Variants in USH2A observed in about 807,000 individuals in gnomAD.
USH2A encodes Usher syndrome 2A (autosomal recessive, mild).
In USH2A, 443 loss-of-function variants were observed where a neutral mutation model predicts 538.9. The ratio of observed to expected loss-of-function variants is 0.82; its 90% CI spans 0.76 to 0.89. The LOEUF (loss-of-function observed/expected upper bound fraction) is 0.89. USH2A is among the 40% of genes least tolerant of loss of function. The pLI, the probability that USH2A is intolerant of heterozygous loss-of-function variation, is 0.00. For missense variants in USH2A, 6,633 were observed against 6,324.8 expected (o/e 1.05, Z -1.65); for synonymous variants, 2,413 against 2,273.5 (o/e 1.06, Z -1.75).
intron 37 of USH2A, among the ~76,000 whole-genome samples, chr1:215,953,293 T>TCA (rs917999113): frequency 1.2e-4 from 18 of 152,276 alleles, no homozygotes; most frequent in African/African-American, 4.3e-4. Flanking sequence ...GCTGGAGGCA[T>TCA]CACGCTACCT....
intron 21 of USH2A, among the ~76,000 whole-genome samples, chr1:216,105,564 C>T (rs1036110385): frequency 2.0e-5 from 3 of 151,898 alleles, no homozygotes; most frequent in African/African-American, 7.2e-5. Context: ...CTCAGTTTGC[C>T]ATTTTTTTAA....
chr1:216,303,852 G>T (rs1298388409), intron 9 of USH2A, among the ~76,000 whole-genome samples: 50 of 151,908 alleles, frequency 3.3e-4, no homozygotes, highest in Non-Finnish European at 5.9e-5. Context: ...CACATAGAAG[G>T]CATTTATAAA....
intron 3 of USH2A, among the ~76,000 whole-genome samples, chr1:216,415,687 AT>A (rs1033077272): frequency 2.5e-4 from 38 of 151,576 alleles, no homozygotes; most frequent in African/African-American, 9.0e-4. Flanking sequence ...CACCTGGCTA[AT>A]TTTTTTAGGG....
intron 32 of USH2A, among the ~76,000 whole-genome samples, chr1:216,008,412 C>A (rs1211166578): frequency 6.6e-6 from 1 of 151,980 alleles, no homozygotes. Flanking sequence ...TTTACCTACC[C>A]AAATCCTATA....
chr1:215,856,628 A>T (rs1168192121), intron 44 of USH2A, among the ~76,000 whole-genome samples: 1 of 152,230 alleles, frequency 6.6e-6, no homozygotes. Flanking sequence ...CACTATGAAA[A>T]ATAGTGTGGA....
chr1:216,366,997 C>G (rs969776362), intron 3 of USH2A, among the ~76,000 whole-genome samples: 5 of 152,020 alleles, frequency 3.3e-5, no homozygotes, highest in Admixed American at 1.3e-4. Context: ...GCACAACATG[C>G]AGGCACATGA....
At chr1:216,338,962 G>A (rs1191704943) in intron 4 of USH2A, among the ~76,000 whole-genome samples, 2 of 151,534 alleles carry the variant, frequency 1.3e-5, no homozygotes, top group Non-Finnish European at 3.0e-5. Flanking sequence ...ACAGTTTGGC[G>A]ATATATCAAA....
In USH2A at chr1:216,200,250, A is replaced by G. The variant is rs955831255; in HGVS notation, c.3317-129T>C. 9.0e-6 allele frequency: 9 copies of G among 996,242 alleles called. No homozygotes were observed. The South Asian group carries it at 1.5e-4, about 17-fold the overall frequency. 61.7% of individuals were successfully genotyped at this position (996,242 alleles called of 1,614,324 possible). A position where few individuals can be genotyped will look rare whatever the true frequency, so the allele number is the denominator to read the frequency against. On this transcript the variant is annotated intron_variant, in intron 16 of 71. Transcript: ENST00000307340. ...CCAATCTACTCTTTTGATTAAGGATACATTTCATATTTTTAAAATTGAAAT... is the reference window on the plus strand; with the variant it reads ...CCAATCTACTCTTTTGATTAAGGATGCATTTCATATTTTTAAAATTGAAAT...
At chr1:216,070,826 T>C (rs2031535333) in intron 29 of USH2A, among the ~76,000 whole-genome samples, 1 of 145,334 alleles carries the variant, frequency 6.9e-6, no homozygotes, top group African/African-American at 2.6e-5. Context: ...AGATATGATA[T>C]ATGGAATATA....
At chr1:215,867,638 G>C (rs1338697072) in intron 43 of USH2A, among the ~76,000 whole-genome samples, 1 of 152,168 alleles carries the variant, frequency 6.6e-6, no homozygotes, top group African/African-American at 2.4e-5. Flanking sequence ...CGATACCTAT[G>C]CTTCTTTCCC....
At chr1:216,199,529 A>G in intron 17 of USH2A, 98 bp downstream of exon 17, 1 of 1,554,996 alleles carries the variant, frequency 6.4e-7, no homozygotes, top group South Asian at 1.1e-5. Context: ...GTGCAGTTAT[A>G]AAAAGGAATA....
chr1:216,419,792 GT>G (rs1203649012), intron 2 of USH2A, among the ~76,000 whole-genome samples: 5 of 152,066 alleles, frequency 3.3e-5, no homozygotes, highest in African/African-American at 9.7e-5. Context: ...GCTAAAGATG[GT>G]TTAAAGCTTT....
intron 4 of USH2A, among the ~76,000 whole-genome samples, chr1:216,349,713 C>A (rs1449076042): frequency 6.6e-6 from 1 of 152,130 alleles, no homozygotes; most frequent in East Asian, 1.9e-4. Context: ...AACTAACAAA[C>A]AACCCACCCC....
At chr1:216,346,384 CCTCT>C (rs1419964289) in intron 4 of USH2A, among the ~76,000 whole-genome samples, 2 of 152,150 alleles carry the variant, frequency 1.3e-5, no homozygotes, top group South Asian at 4.1e-4. Flanking sequence ...TGGATAGATC[CCTCT>C]CAAAATCTAA....
At chr1:216,072,059 A>G (rs547490602) in intron 29 of USH2A, among the ~76,000 whole-genome samples, 1 of 152,220 alleles carries the variant, frequency 6.6e-6, no homozygotes, top group Admixed American at 6.5e-5. Flanking sequence ...TTGATTAAGT[A>G]TAAGAGAATA....
chr1:216,365,009 C>G lies in USH2A; in HGVS notation c.728G>C (p.Ser243Thr). The G allele has an allele frequency of 6.2e-7, 1 of 1,613,712 alleles. No individual in the cohort carries two copies. Among genetic ancestry groups the G allele is most frequent in the African/African-American group, 1.3e-5 (1 of 75,030 alleles). The change falls in exon 4 of 72, where the codon AGT becomes ACT. Residue 243 changes from serine (S) to threonine (T), a missense_variant. By Grantham distance (58) the Ser-to-Thr change is moderately conservative. Coordinates refer to ENST00000307340, the MANE Select transcript of USH2A (RefSeq NM_206933.4). The part of the protein sequence containing the change: ...DHTPFNARTL[S>T]GSITDFASGT... ...AGATGCAAAATCTGTAATTGAACCA[C>G]TTAGAGTTCTTGCATTGAAAGGTGT...
intron 9 of USH2A, among the ~76,000 whole-genome samples, chr1:216,297,122 C>G (rs1056199202): frequency 2.6e-5 from 4 of 151,856 alleles, no homozygotes; most frequent in South Asian, 2.1e-4. Flanking sequence ...GATTTGCTAG[C>G]CCTGTGTTCT....
intron 30 of USH2A, among the ~76,000 whole-genome samples, chr1:216,054,394 T>C (rs933845773): frequency 2.1e-5 from 3 of 144,282 alleles, no homozygotes; most frequent in East Asian, 1.9e-4. Context: ...GACAAAATCA[T>C]TGTGGAGCTG....
intron 3 of USH2A, among the ~76,000 whole-genome samples, chr1:216,386,345 A>C (rs2102739863): frequency 6.6e-6 from 1 of 151,120 alleles, no homozygotes; most frequent in Admixed American, 6.6e-5. Context: ...AAAATACAAA[A>C]AATTTGCTGG....
Sources: gnomAD v4.1 joint callset for allele counts (sites outside exome capture counted in the v4.1 genomes callset) on GRCh38, gnomAD v4.1.1 for gene constraint, MANE v1.5 for transcripts, NCBI Gene and HGNC (gene_info 2026-07-23, HGNC 2026-07-21) for gene names.